Variants in CSMD3 observed in about 807,000 individuals in gnomAD.
The protein encoded by CSMD3 is CUB and sushi domain-containing protein 3.
In CSMD3, 177 loss-of-function variants were observed where a neutral mutation model predicts 435.2. That is an observed-to-expected ratio of 0.41 (90% CI 0.36 to 0.46). The LOEUF is 0.46. Ranked by LOEUF, CSMD3 falls within the 20% of genes least tolerant of loss-of-function variation. CSMD3 has a pLI of 0.34. For missense variants in CSMD3, 4,265 were observed against 4,504.6 expected (o/e 0.95, Z 1.52); for synonymous variants, 1,656 against 1,520.5 (o/e 1.09, Z -2.07).
intron 6 of CSMD3, among the ~76,000 whole-genome samples, chr8:112,984,807 C>G (rs1438252826): frequency 1.3e-5 from 2 of 151,988 alleles, no homozygotes; most frequent in East Asian, 3.9e-4. Context: ...ATACATGAAT[C>G]TTTCTAATAC....
chr8:112,245,929 C>G (rs1432835870), intron 64 of CSMD3, among the ~76,000 whole-genome samples: 1 of 152,134 alleles, frequency 6.6e-6, no homozygotes, highest in Non-Finnish European at 1.5e-5. Flanking sequence ...GTCTCTACTG[C>G]CATCTTAAGC....
At chr8:112,784,380 A>G (rs2078482122) in intron 13 of CSMD3, among the ~76,000 whole-genome samples, 1 of 152,032 alleles carries the variant, frequency 6.6e-6, no homozygotes, top group Non-Finnish European at 1.5e-5. Flanking sequence ...TAACTAGAAA[A>G]GCAAGAGCAA....
intron 38 of CSMD3, among the ~76,000 whole-genome samples, chr8:112,373,703 G>A (rs1274328594): frequency 1.3e-5 from 2 of 152,114 alleles, no homozygotes; most frequent in African/African-American, 2.4e-5. Flanking sequence ...AAAAAGAGAT[G>A]TTTCTCTACC....
intron 38 of CSMD3, among the ~76,000 whole-genome samples, chr8:112,354,061 T>C (rs977111210): frequency 1.3e-5 from 2 of 152,188 alleles, no homozygotes; most frequent in African/African-American, 4.8e-5. Flanking sequence ...TTAATACATG[T>C]GATTCACCAT....
intron 12 of CSMD3, among the ~76,000 whole-genome samples, chr8:112,826,447 C>T: frequency 7.6e-6 from 1 of 132,146 alleles, no homozygotes; most frequent in African/African-American, 2.8e-5. Context: ...GGACCCTAGG[C>T]CCTGGTGGCG....
At chr8:112,258,758 G>A (rs1816064138) in intron 61 of CSMD3, among the ~76,000 whole-genome samples, 1 of 152,000 alleles carries the variant, frequency 6.6e-6, no homozygotes, top group South Asian at 2.1e-4. Context: ...ACCATTTGAT[G>A]GCCTGGCACA....
At chr8:112,433,654 C>CAAAAAA (rs35572894) in intron 32 of CSMD3, among the ~76,000 whole-genome samples, 31 of 93,154 alleles carry the variant, frequency 3.3e-4, no homozygotes, top group East Asian at 6.5e-4. Flanking sequence ...GAGAACCTGT[C>CAAAAAA]AAAAAAAAAA....
At chr8:113,006,061 A>C (rs1327636493) in intron 6 of CSMD3, among the ~76,000 whole-genome samples, 1 of 152,028 alleles carries the variant, frequency 6.6e-6, no homozygotes, top group Admixed American at 6.6e-5. Flanking sequence ...CAAGACTACA[A>C]GTTTTATCTA....
At chr8:112,305,127 A>T (rs1250153731) in intron 51 of CSMD3, among the ~76,000 whole-genome samples, 1 of 152,112 alleles carries the variant, frequency 6.6e-6, no homozygotes, top group Middle Eastern at 3.2e-3. Flanking sequence ...ATGGTTTCAC[A>T]ATTCAATCTT....
At chr8:113,197,990 T>G (rs767733874) in intron 3 of CSMD3, among the ~76,000 whole-genome samples, 10 of 151,372 alleles carry the variant, frequency 6.6e-5, no homozygotes, top group Non-Finnish European at 1.2e-4. Flanking sequence ...TAAATGTAGT[T>G]GTTCCTATTG....
intron 27 of CSMD3, among the ~76,000 whole-genome samples, chr8:112,518,127 T>G (rs1823874887): frequency 1.3e-5 from 2 of 152,170 alleles, no homozygotes; most frequent in South Asian, 4.1e-4. Flanking sequence ...TTGAAGGAAA[T>G]TGTGCTAAGT....
chr8:113,229,707 G>C (rs1418678211), intron 3 of CSMD3, among the ~76,000 whole-genome samples: 1 of 151,442 alleles, frequency 6.6e-6, no homozygotes, highest in Non-Finnish European at 1.5e-5. Flanking sequence ...AAACCTTGAA[G>C]GCTTTGTAAA....
At chr8:112,485,616 A>T in intron 31 of CSMD3, among the ~76,000 whole-genome samples, 1 of 152,132 alleles carries the variant, frequency 6.6e-6, no homozygotes, top group East Asian at 1.9e-4. Context: ...AAGTGTAGTT[A>T]TTTATTTCTG....
At chr8:113,181,925 T>C (rs572649448) in intron 3 of CSMD3, among the ~76,000 whole-genome samples, 1 of 152,188 alleles carries the variant, frequency 6.6e-6, no homozygotes, top group African/African-American at 2.4e-5. Context: ...TGGATAAAGG[T>C]AATTTAATTC....
intron 25 of CSMD3, among the ~76,000 whole-genome samples, chr8:112,555,646 G>A (rs946099078): frequency 1.3e-5 from 2 of 151,962 alleles, no homozygotes; most frequent in Admixed American, 6.6e-5. Context: ...ATGAATCAAT[G>A]TTTTAATAAA....
intron 17 of CSMD3, among the ~76,000 whole-genome samples, chr8:112,660,872 G>A (rs1018114123): frequency 2.0e-5 from 3 of 152,130 alleles, no homozygotes; most frequent in Non-Finnish European, 4.4e-5. Flanking sequence ...TGGTTTTAGG[G>A]AAGTGGAAGA....
chr8:113,272,172 G>A (rs1055267067), intron 3 of CSMD3, among the ~76,000 whole-genome samples: 1 of 152,152 alleles, frequency 6.6e-6, no homozygotes, highest in African/African-American at 2.4e-5. Context: ...TGTGACTTTG[G>A]ACTGTGGACT....
At chr8:112,499,277 A>C (rs1185018035) in intron 30 of CSMD3, among the ~76,000 whole-genome samples, 5 of 152,168 alleles carry the variant, frequency 3.3e-5, no homozygotes, top group Admixed American at 1.3e-4. Flanking sequence ...AAAAAAATGC[A>C]ACTTATATGC....
chr8:113,409,324 G>T (rs1450875295), intron 1 of CSMD3, among the ~76,000 whole-genome samples: 3 of 151,242 alleles, frequency 2.0e-5, no homozygotes, highest in African/African-American at 7.3e-5. Flanking sequence ...ACCTCGTGAA[G>T]CACCCCTCTC....
Sources: gnomAD v4.1 joint callset for allele counts (sites outside exome capture counted in the v4.1 genomes callset) on GRCh38, gnomAD v4.1.1 for gene constraint, MANE v1.5 for transcripts, NCBI Gene and HGNC (gene_info 2026-07-23, HGNC 2026-07-21) for gene names.